The following CTNNA2 variants were observed in gnomAD, a reference collection of about 807,000 sequenced individuals.
The protein encoded by CTNNA2 is catenin alpha-2.
In CTNNA2, 42 loss-of-function variants were observed where a neutral mutation model predicts 101.0. The observed-to-expected ratio is 0.42, with a 90% CI of 0.32 to 0.54. The LOEUF (loss-of-function observed/expected upper bound fraction) is 0.54. Ranked by LOEUF, CTNNA2 falls within the 20% of genes least tolerant of loss-of-function variation. The pLI, the probability that CTNNA2 is intolerant of heterozygous loss-of-function variation, is 0.14. For missense variants in CTNNA2, 871 were observed against 1,223.1 expected, an observed-to-expected ratio of 0.71 and a Z score of 4.29; for synonymous variants, 450 against 456.4, an observed-to-expected ratio of 0.99 and a Z score of 0.18.
At chr2:79,542,644 T>C (rs1231184882) in intron 1 of CTNNA2, among the ~76,000 whole-genome samples, 1 of 152,180 alleles carries the variant, frequency 6.6e-6, no homozygotes, top group East Asian at 1.9e-4. Context: ...TTAAAGATAA[T>C]GCACATAAAG....
chr2:80,405,950 C>T (rs1679010644), intron 8 of CTNNA2, among the ~76,000 whole-genome samples: 1 of 152,208 alleles, frequency 6.6e-6, no homozygotes, highest in African/African-American at 2.4e-5. Context: ...CTGTTAAGGG[C>T]AGGGCTTCTG....
At chr2:80,272,827 C>T (rs1034812384) in intron 7 of CTNNA2, among the ~76,000 whole-genome samples, 3 of 152,078 alleles carry the variant, frequency 2.0e-5, no homozygotes, top group Admixed American at 6.5e-5. Context: ...AATCTAGCAA[C>T]CCAAGCTGCG....
chr2:80,303,872 C>A lies in CTNNA2; in HGVS notation c.1057-89339C>A. ...AGAATGTCCATTGGAAGCGCTCGGTCAGAAATCTACATCATATTTTATTCC... is the reference window on the plus strand; with the variant it reads ...AGAATGTCCATTGGAAGCGCTCGGTAAGAAATCTACATCATATTTTATTCC... On this transcript the variant is annotated intron_variant, in intron 7 of 18. Coordinates refer to ENST00000402739, the MANE Select transcript of CTNNA2 (RefSeq NM_001282597.3). The surrounding 1 kb of genome is among the most constrained non-coding windows in gnomAD (Gnocchi z 7.7). The A allele has an allele frequency of 6.8e-7, 1 of 1,466,294 alleles. No individual in the cohort carries two copies. The highest frequency in any genetic ancestry group is 1.6e-5 in the South Asian group (1 of 61,540). The allele number at this position is 1,466,294 out of a possible 1,614,324, so 90.8% of individuals were successfully genotyped here.
At chr2:80,269,989 C>A (rs962165190) in intron 7 of CTNNA2, among the ~76,000 whole-genome samples, 7 of 152,124 alleles carry the variant, frequency 4.6e-5, no homozygotes, top group Non-Finnish European at 1.0e-4. Context: ...AAACCAGGGG[C>A]TGTAAACAAG....
At chr2:80,221,483 G>C (rs1210096129) in intron 7 of CTNNA2, among the ~76,000 whole-genome samples, 2 of 152,114 alleles carry the variant, frequency 1.3e-5, no homozygotes, top group Admixed American at 6.5e-5. Context: ...GACCCATGCT[G>C]GGGCACCATG....
rs559420375 is a variant in CTNNA2, at chr2:80,567,865, T to C, written c.1742-6298T>C. On this transcript the variant is annotated intron_variant, in intron 12 of 18. Transcript: ENST00000402739. ...CGTGATATTTTATGTTATTTTTAGA[T>C]TCCTTTCAATGCTCTTTTTTTTATT... Among the ~76,000 whole-genome samples the C allele has an allele frequency of 3.9e-5, 6 of 152,332 alleles. No individual in the cohort carries two copies. In the South Asian group the frequency reaches 1.2e-3, roughly 32 times the overall value.
chr2:80,265,484 C>T (rs536091451), intron 7 of CTNNA2, among the ~76,000 whole-genome samples: 1 of 152,208 alleles, frequency 6.6e-6, no homozygotes, highest in Non-Finnish European at 1.5e-5. Context: ...ATTCTGGAGA[C>T]ATTTGGAATT....
chr2:80,259,583 C>A (rs1195649423), intron 7 of CTNNA2, among the ~76,000 whole-genome samples: 2 of 152,154 alleles, frequency 1.3e-5, no homozygotes, highest in Non-Finnish European at 2.9e-5. Flanking sequence ...TAACCCTTTT[C>A]CAGAAGTCTC....
At position 80,336,407 on chromosome 2, in the gene CTNNA2, C is replaced by T. The variant is rs537933430; in HGVS notation, c.1057-56804C>T. On this transcript the variant is annotated intron_variant, in intron 7 of 18. Coordinates refer to ENST00000402739, the MANE Select transcript of CTNNA2 (RefSeq NM_001282597.3). Reference sequence around the variant, plus strand: ...CATTCAGATTATAGCAACCCGCCCCCTCAATTTTACAATTACAATTTTGCT... The same window carrying T: ...CATTCAGATTATAGCAACCCGCCCCTTCAATTTTACAATTACAATTTTGCT... Among the ~76,000 whole-genome samples, 12 of 152,252 alleles carry T rather than the reference C, an allele frequency of 7.9e-5. No individual in the cohort carries two copies. The East Asian group carries it at 2.3e-3, about 29-fold the overall frequency.
chr2:79,597,476 AAAAAAG>A (rs1447950091), intron 1 of CTNNA2, among the ~76,000 whole-genome samples: 2 of 151,730 alleles, frequency 1.3e-5, no homozygotes, highest in Non-Finnish European at 2.9e-5. Flanking sequence ...AAAAAAAAAA[AAAAAAG>A]AAATATTAGC....
At chr2:79,970,552 C>T (rs910448700) in intron 7 of CTNNA2, among the ~76,000 whole-genome samples, 1 of 152,102 alleles carries the variant, frequency 6.6e-6, no homozygotes, top group Non-Finnish European at 1.5e-5. Flanking sequence ...TGTTTTGCTC[C>T]GTATGGAGAA....
chr2:80,318,100 C>A (rs1048899879), intron 7 of CTNNA2, among the ~76,000 whole-genome samples: 4 of 152,154 alleles, frequency 2.6e-5, no homozygotes, highest in African/African-American at 9.7e-5. Context: ...ATTCCTCAAT[C>A]ATGTAGTGGG....
At chr2:80,526,526 T>A (rs1251363662) in intron 9 of CTNNA2, among the ~76,000 whole-genome samples, 1 of 152,030 alleles carries the variant, frequency 6.6e-6, no homozygotes, top group African/African-American at 2.4e-5. Flanking sequence ...AGAGATGGGG[T>A]TTCACCATGT....
At chr2:79,892,661 A>T (rs1684393861) in intron 6 of CTNNA2, among the ~76,000 whole-genome samples, 1 of 152,220 alleles carries the variant, frequency 6.6e-6, no homozygotes, top group African/African-American at 2.4e-5. Flanking sequence ...AAAGAGACAG[A>T]CAGAGATCTG....
chr2:79,199,469 T>A (rs1212314398), intron 2 of CTNNA2, among the ~76,000 whole-genome samples: 3 of 152,176 alleles, frequency 2.0e-5, no homozygotes, highest in Non-Finnish European at 2.9e-5. Context: ...TAGGAAAGCA[T>A]TTGTTTTCCT....
intron 7 of CTNNA2, among the ~76,000 whole-genome samples, chr2:80,093,595 A>G (rs970741980): frequency 1.6e-3 from 251 of 152,216 alleles, no homozygotes; most frequent in African/African-American, 5.5e-3. Context: ...CTTCCACAAT[A>G]GTTGAACTAG....
chr2:79,813,640 C>T (rs1211213846), intron 3 of CTNNA2, among the ~76,000 whole-genome samples: 1 of 152,068 alleles, frequency 6.6e-6, no homozygotes, highest in Admixed American at 6.6e-5. Flanking sequence ...ATTGGTGGTA[C>T]AGATTTGAGA....
At chr2:80,181,021 A>T (rs1326485041) in intron 7 of CTNNA2, among the ~76,000 whole-genome samples, 2 of 152,136 alleles carry the variant, frequency 1.3e-5, no homozygotes, top group Admixed American at 6.5e-5. Context: ...ATCCATTCCC[A>T]TGCCTGTTTT....
intron 4 of CTNNA2, among the ~76,000 whole-genome samples, chr2:79,386,113 T>G (rs1678102949): frequency 6.6e-6 from 1 of 152,196 alleles, no homozygotes; most frequent in African/African-American, 2.4e-5. Flanking sequence ...CCACACTGTC[T>G]TCCACAATGG....
Sources: allele counts gnomAD v4.1 joint callset (sites outside exome capture counted in the v4.1 genomes callset), GRCh38; gene constraint gnomAD v4.1.1; non-coding constraint Gnocchi (gnomAD v3.1); transcripts MANE v1.5; gene names NCBI Gene and HGNC (gene_info 2026-07-23, HGNC 2026-07-21).